FER1L6: variants seen among roughly 807,000 people sequenced by gnomAD.
FER1L6 encodes the protein fer-1 like family member 6.
In FER1L6, 177 loss-of-function variants were observed where a neutral mutation model predicts 219.2. The ratio of observed to expected loss-of-function variants is 0.81; its 90% CI spans 0.71 to 0.91. The LOEUF (loss-of-function observed/expected upper bound fraction) is 0.91. Ranked by LOEUF, FER1L6 falls within the 40% of genes least tolerant of loss-of-function variation. The pLI is 0.00. For synonymous variants in FER1L6, 768 were observed against 824.3 expected, an observed-to-expected ratio of 0.93 and a Z score of 1.17; for missense variants, 2,153 against 2,259.9, an observed-to-expected ratio of 0.95 and a Z score of 0.96.
chr8:124,118,703 C>A, intron 39 of FER1L6, 141 bp from the exon 40 acceptor site: 1 of 724,446 alleles, frequency 1.4e-6, no homozygotes, highest in South Asian at 1.9e-5. Flanking sequence ...CCAAAAAAAG[C>A]AACAACATTT....
chr8:124,076,197 G>T lies in FER1L6; in HGVS notation c.4093-1G>T. The stretch of plus-strand genomic sequence containing the variant: ...AAAGACATTTTCTTTTTCCTTTCCA[G>T]GCATTTAATCTTAGTCCAGCTGATC... On this transcript the variant is annotated splice_acceptor_variant, in intron 31 of 40. Coordinates refer to ENST00000522917, the MANE Select transcript of FER1L6 (RefSeq NM_001039112.2). LOFTEE classifies it high-confidence loss of function. 1.2e-6 allele frequency: 2 copies of T among 1,613,634 alleles called. No individual in the cohort carries two copies. The highest frequency in any genetic ancestry group is 1.7e-5 in the Admixed American group (1 of 59,950).
chr8:123,940,849 C>T (rs936738847), intron 1 of FER1L6, among the ~76,000 whole-genome samples: 1 of 152,126 alleles, frequency 6.6e-6, no homozygotes, highest in Non-Finnish European at 1.5e-5. Context: ...TTGGGAACAT[C>T]CTAGTCAGGG....
At chr8:124,063,319 T>G (rs1464066089) in intron 25 of FER1L6, among the ~76,000 whole-genome samples, 4 of 152,184 alleles carry the variant, frequency 2.6e-5, no homozygotes, top group Non-Finnish European at 5.9e-5. Context: ...CCCCTCCATG[T>G]TTTAAACTTT....
intron 11 of FER1L6, among the ~76,000 whole-genome samples, chr8:123,983,508 G>A (rs1012330592): frequency 2.6e-5 from 4 of 152,190 alleles, no homozygotes; most frequent in African/African-American, 7.2e-5. Context: ...GTAACAGGAA[G>A]TAGAAAGTGG....
chr8:123,868,112 C>T (rs1370966506), intron 1 of FER1L6, among the ~76,000 whole-genome samples: 2 of 151,990 alleles, frequency 1.3e-5, no homozygotes, highest in Non-Finnish European at 1.5e-5. Context: ...TTCTTCCTTC[C>T]CCGCTCCTTC....
At chr8:123,868,661 C>T (rs777483588) in intron 1 of FER1L6, among the ~76,000 whole-genome samples, 7 of 152,200 alleles carry the variant, frequency 4.6e-5, no homozygotes, top group Non-Finnish European at 7.4e-5. Flanking sequence ...CCTGTTGGTA[C>T]GTTTGTGCAA....
chr8:123,894,073 G>A (rs1343737046), intron 1 of FER1L6, among the ~76,000 whole-genome samples: 1 of 152,060 alleles, frequency 6.6e-6, no homozygotes, highest in Non-Finnish European at 1.5e-5. Flanking sequence ...TAGCTCCATG[G>A]ACAGTTTTTT....
At chr8:123,938,387 G>A (rs1814087146) in intron 1 of FER1L6, among the ~76,000 whole-genome samples, 1 of 152,130 alleles carries the variant, frequency 6.6e-6, no homozygotes, top group Non-Finnish European at 1.5e-5. Flanking sequence ...AATCATGAAT[G>A]GGAGTTGAGG....
chr8:123,942,349 C>A (rs763069145), intron 1 of FER1L6, among the ~76,000 whole-genome samples: 1 of 152,182 alleles, frequency 6.6e-6, no homozygotes, highest in Admixed American at 6.5e-5. Flanking sequence ...CACAAAGGTG[C>A]ACAATGGAGA....
At chr8:123,933,027 G>A (rs1349496135) in intron 1 of FER1L6, among the ~76,000 whole-genome samples, 1 of 152,216 alleles carries the variant, frequency 6.6e-6, no homozygotes, top group Admixed American at 6.5e-5. Flanking sequence ...TGAGCCCCAG[G>A]TTTTTCTTGA....
At chr8:123,931,957 T>C (rs1586480279) in intron 1 of FER1L6, among the ~76,000 whole-genome samples, 1 of 152,234 alleles carries the variant, frequency 6.6e-6, no homozygotes, top group African/African-American at 2.4e-5. Flanking sequence ...AGAAATCTTA[T>C]CTGTAACAGC....
chr8:124,082,406 C>T lies in FER1L6; in HGVS notation c.4339C>T (p.Arg1447Cys), dbSNP rs760805355. The stretch of plus-strand genomic sequence containing the variant: ...TGAGACCAAGATCGACCTGGAGAAC[C>T]GCTTCTACAGCAAACACCGAGCCAT... ...IGETKIDLENRFYSKHRAICG... is the reference protein window; with the variant it reads ...IGETKIDLENCFYSKHRAICG... The change falls in exon 33 of 41, where the codon CGC becomes TGC. Residue 1447 changes from arginine (R) to cysteine (C), a missense_variant. By Grantham distance (180) the Arg-to-Cys change is radical (BLOSUM62 -3). Coordinates refer to ENST00000522917, the MANE Select transcript of FER1L6 (RefSeq NM_001039112.2). The T allele has an allele frequency of 2.9e-5, 47 of 1,613,936 alleles. No homozygotes were observed. The highest frequency in any genetic ancestry group is 1.6e-4 in the South Asian group (15 of 91,068).
At chr8:123,866,007 C>G (rs1336202293) in intron 1 of FER1L6, among the ~76,000 whole-genome samples, 3 of 149,008 alleles carry the variant, frequency 2.0e-5, no homozygotes, top group Admixed American at 6.6e-5. Context: ...GCTCCTCCCC[C>G]CCACATTTTC....
Position 124,058,505 on chromosome 8 carries a change from C to G in FER1L6, c.2875-1675C>G, listed in dbSNP as rs75201799. Among the ~76,000 whole-genome samples the G allele has an allele frequency of 9.8e-5, 15 of 152,290 alleles. No homozygotes were observed. In the East Asian group the frequency reaches 2.9e-3, roughly 29 times the overall value. On this transcript the variant is annotated intron_variant, in intron 22 of 40. Coordinates refer to ENST00000522917, the MANE Select transcript of FER1L6 (RefSeq NM_001039112.2). ...TTTCACAGGAAAAAGCTTAATCTTG[C>G]TGGTAGCAAAGTCATTTAATTGCCA... is the stretch of plus-strand genomic sequence containing the variant.
chr8:123,924,106 G>C (rs1813469610), intron 1 of FER1L6, among the ~76,000 whole-genome samples: 2 of 151,494 alleles, frequency 1.3e-5, no homozygotes, highest in African/African-American at 4.9e-5. Flanking sequence ...ATATAGGTGG[G>C]TGCCTGTAGT....
At chr8:124,006,734 G>A (rs1042306295) in intron 13 of FER1L6, among the ~76,000 whole-genome samples, 3 of 152,310 alleles carry the variant, frequency 2.0e-5, no homozygotes, top group Non-Finnish European at 4.4e-5. Flanking sequence ...TATCGGGACA[G>A]CCATTTAGAC....
At chr8:124,010,003 G>C (rs77653193) in intron 13 of FER1L6, among the ~76,000 whole-genome samples, 1,057 of 145,296 alleles carry the variant, frequency 7.3e-3, no homozygotes, top group East Asian at 0.032. Flanking sequence ...CTGGCGACCC[G>C]GGGAGGAGAG....
chr8:124,067,898 C>T (rs1820893742), intron 28 of FER1L6, 92 bp downstream of exon 28: 2 of 944,132 alleles, frequency 2.1e-6, no homozygotes. Context: ...TGTATTAGAG[C>T]TCAACTCCCT....
intron 17 of FER1L6, among the ~76,000 whole-genome samples, chr8:124,022,828 T>C (rs148973512): frequency 2.5e-5 from 1 of 39,844 alleles, no homozygotes; most frequent in South Asian, 6.8e-4. Context: ...ATGAGAAAAG[T>C]AGGCTACCAA....
Sources: gnomAD v4.1 joint callset for allele counts (sites outside exome capture counted in the v4.1 genomes callset) on GRCh38, gnomAD v4.1.1 for gene constraint, MANE v1.5 for transcripts, NCBI Gene and HGNC (gene_info 2026-07-23, HGNC 2026-07-21) for gene names.